Variants in PRELID2 observed in about 807,000 individuals in gnomAD.
The protein encoded by PRELID2 is PRELI domain-containing protein 2.
In PRELID2, 25 loss-of-function variants were observed where a neutral mutation model predicts 28.4. The observed-to-expected ratio is 0.88, with a 90% CI of 0.64 to 1.23. The LOEUF is 1.23. PRELID2 is among the 50% of genes most tolerant of loss of function. The probability of loss-of-function intolerance (pLI) is 0.00; values close to 1 mark genes in which losing one functional copy is unlikely to be tolerated. For missense variants in PRELID2, 201 were observed against 214.4 expected, an observed-to-expected ratio of 0.94 and a Z score of 0.39; for synonymous variants, 76 against 71.6, an observed-to-expected ratio of 1.06 and a Z score of -0.31.
At chr5:145,571,363 C>T (rs182012317) in intron 1 of PRELID2, among the ~76,000 whole-genome samples, 50 of 152,238 alleles carry the variant, frequency 3.3e-4, no homozygotes, top group African/African-American at 1.2e-3. Flanking sequence ...ATTATATCTG[C>T]CTCCCTTTGG....
chr5:145,445,952 A>G, the PRELID2 span, among the ~76,000 whole-genome samples: 1 of 152,128 alleles, frequency 6.6e-6, no homozygotes, highest in African/African-American at 2.4e-5. Flanking sequence ...TAAACAGTAG[A>G]ATAGAGGATA....
At chr5:145,678,140 G>A (rs1252074583) in intron 1 of PRELID2, among the ~76,000 whole-genome samples, 1 of 152,182 alleles carries the variant, frequency 6.6e-6, no homozygotes, top group Admixed American at 6.5e-5. Flanking sequence ...GATGCTGAGG[G>A]TAAAGAGGCT....
intron 1 of PRELID2, among the ~76,000 whole-genome samples, chr5:145,502,518 G>A (rs1294760695): frequency 6.6e-6 from 1 of 152,136 alleles, no homozygotes; most frequent in Non-Finnish European, 1.5e-5. Context: ...GTGTTATAAT[G>A]ATGGCCAGGT....
At chr5:145,403,080 AG>A in the PRELID2 span, among the ~76,000 whole-genome samples, 64 of 152,280 alleles carry the variant, frequency 4.2e-4, no homozygotes, top group African/African-American at 1.4e-3. Flanking sequence ...TTCTTCCCTT[AG>A]AAGGTAGAGC....
chr5:145,521,465 T>G (rs2126650683), intron 1 of PRELID2, among the ~76,000 whole-genome samples: 1 of 152,308 alleles, frequency 6.6e-6, no homozygotes. Flanking sequence ...ATTCCTGCCA[T>G]GTACAACATG....
chr5:145,280,819 A>G, the PRELID2 span, among the ~76,000 whole-genome samples: 1 of 144,606 alleles, frequency 6.9e-6, no homozygotes, highest in Non-Finnish European at 1.5e-5. Context: ...AAAAAAAAAC[A>G]GATTGCTACA....
At chr5:145,308,130 G>A in the PRELID2 span, among the ~76,000 whole-genome samples, 16 of 152,052 alleles carry the variant, frequency 1.1e-4, no homozygotes, top group Non-Finnish European at 1.5e-5. Context: ...AGACTGAGAG[G>A]GCACCAGGTG....
At chr5:145,558,380 A>G (rs139511799) in intron 1 of PRELID2, among the ~76,000 whole-genome samples, 1 of 152,342 alleles carries the variant, frequency 6.6e-6, no homozygotes, top group African/African-American at 2.4e-5. Flanking sequence ...GATTTGACAG[A>G]TACACATATG....
At chr5:145,465,469 T>G in the PRELID2 span, among the ~76,000 whole-genome samples, 2 of 152,170 alleles carry the variant, frequency 1.3e-5, no homozygotes, top group Non-Finnish European at 2.9e-5. Flanking sequence ...GTCATAGTCA[T>G]GGTGAAGATG....
chr5:145,364,757 C>A, the PRELID2 span, among the ~76,000 whole-genome samples: 1 of 151,954 alleles, frequency 6.6e-6, no homozygotes. Flanking sequence ...CACCAAATTA[C>A]ATAGTATCTT....
At chr5:145,386,147 A>C in the PRELID2 span, among the ~76,000 whole-genome samples, 2 of 151,968 alleles carry the variant, frequency 1.3e-5, no homozygotes, top group Non-Finnish European at 1.5e-5. Context: ...AAGGGAAGCA[A>C]ACACGTTCTT....
At chr5:145,751,073 A>G (rs1757111523) in intron 1 of PRELID2, among the ~76,000 whole-genome samples, 1 of 152,232 alleles carries the variant, frequency 6.6e-6, no homozygotes, top group South Asian at 2.1e-4. Context: ...CTGACCAGGA[A>G]AACAAAAGAG....
intron 1 of PRELID2, among the ~76,000 whole-genome samples, chr5:145,707,848 G>A (rs954217813): frequency 2.0e-5 from 3 of 152,090 alleles, no homozygotes; most frequent in Non-Finnish European, 4.4e-5. Context: ...AGGAGAGCAT[G>A]CAAAAGGCTG....
At chr5:145,234,481 T>C in the PRELID2 span, among the ~76,000 whole-genome samples, 7 of 152,120 alleles carry the variant, frequency 4.6e-5, no homozygotes, top group African/African-American at 1.7e-4. Context: ...ACTAGAGTAC[T>C]TCCTTATAAA....
At chr5:145,425,349 A>T in the PRELID2 span, among the ~76,000 whole-genome samples, 1 of 152,226 alleles carries the variant, frequency 6.6e-6, no homozygotes, top group Non-Finnish European at 1.5e-5. Flanking sequence ...CAGTATGGTG[A>T]TTCCTCAAAG....
rs150699002 is a variant in PRELID2 at position 145,503,114 on chromosome 5, G to C, written n.71-29799C>G. On this transcript the variant is annotated intron_variant and non_coding_transcript_variant, in intron 1 of 2. Coordinates refer to the PRELID2 transcript ENST00000510259. ...AGGCCTGGGGTCATCAAAGCTGGGA[G>C]ATTAGTGATAGCAGGGCCCTTGTCA... 5.1e-3 allele frequency among the ~76,000 whole-genome samples: 773 copies of C among 152,236 alleles called. 7 individuals carry two copies. Among genetic ancestry groups the C allele is most frequent in the African/African-American group, 0.018 (744 of 41,544 alleles).
chr5:145,414,809 A>G, the PRELID2 span, among the ~76,000 whole-genome samples: 2 of 152,220 alleles, frequency 1.3e-5, no homozygotes, highest in African/African-American at 4.8e-5. Flanking sequence ...GAGTCTTGAA[A>G]TAATATGCAG....
chr5:145,329,160 G>C, the PRELID2 span, among the ~76,000 whole-genome samples: 107 of 152,278 alleles, frequency 7.0e-4, no homozygotes, highest in African/African-American at 2.3e-3. Context: ...CCAATACCAT[G>C]GTGTTTTTGT....
At chr5:145,323,498 T>A in the PRELID2 span, among the ~76,000 whole-genome samples, 1 of 152,204 alleles carries the variant, frequency 6.6e-6, no homozygotes, top group Admixed American at 6.5e-5. Context: ...CAGGTGTACA[T>A]GCATGGGTTT....
Sources: allele counts gnomAD v4.1 joint callset (sites outside exome capture counted in the v4.1 genomes callset), GRCh38; gene constraint gnomAD v4.1.1; transcripts MANE v1.5; gene names NCBI Gene and HGNC (gene_info 2026-07-23, HGNC 2026-07-21).